The following BOP1 variants were observed in gnomAD, a reference collection of about 807,000 sequenced individuals.
BOP1 encodes the protein ribosome biogenesis protein BOP1.
In BOP1, 54 loss-of-function variants were observed where a neutral mutation model predicts 82.9. That is an observed-to-expected ratio of 0.65 (90% CI 0.52 to 0.82). The LOEUF (loss-of-function observed/expected upper bound fraction) is 0.82. Among genes scored for constraint, BOP1 ranks in the 40% least tolerant of loss-of-function variants. BOP1 has a pLI of 0.00. For synonymous variants in BOP1, 566 were observed against 451.1 expected, an observed-to-expected ratio of 1.25 and a Z score of -3.23; for missense variants, 1,170 against 1,072.0, an observed-to-expected ratio of 1.09 and a Z score of -1.28.
intron 3 of BOP1, chr8:144,265,832 G>C (rs1288500307): frequency 1.3e-5 from 2 of 153,040 alleles, no homozygotes; most frequent in East Asian, 1.9e-4. Context: ...GGGTATGTGT[G>C]TGCTTCCTGA....
chr8:144,281,166 C>T (rs1215975039), intron 2 of BOP1, among the ~76,000 whole-genome samples: 5 of 55,378 alleles, frequency 9.0e-5, no homozygotes, highest in Non-Finnish European at 1.3e-4. Context: ...ACCAGGTCTT[C>T]GGCCTTCCCT....
At chr8:144,278,998 G>A (rs1051478826) in intron 2 of BOP1, among the ~76,000 whole-genome samples, 9 of 152,202 alleles carry the variant, frequency 5.9e-5, no homozygotes, top group African/African-American at 1.7e-4. Flanking sequence ...TGGCAGGGTC[G>A]TTCCCAGGCA....
rs1043220841 is a variant in BOP1, at chr8:144,264,219, G to A, written c.978+6C>T. Reference sequence around the variant, plus strand: ...CAGGGTCCCGGCCCCCAGGATGCAGGCCCACCTCCTCCTCGCTGAGCAGGT... The same window carrying A: ...CAGGGTCCCGGCCCCCAGGATGCAGACCCACCTCCTCCTCGCTGAGCAGGT... On this transcript the variant is annotated splice_donor_region_variant and intron_variant, in intron 7 of 15. Transcript: ENST00000569669. The A allele has an allele frequency of 6.2e-7, 1 of 1,607,398 alleles. No individual in the cohort carries two copies. The highest frequency in any genetic ancestry group is 1.3e-5 in the African/African-American group (1 of 74,840).
intron 2 of BOP1, among the ~76,000 whole-genome samples, chr8:144,279,753 G>C (rs1845640179): frequency 6.6e-6 from 1 of 152,216 alleles, no homozygotes; most frequent in African/African-American, 2.4e-5. Context: ...GACACCACAG[G>C]ATTCTGGGCT....
At position 144,277,783 on chromosome 8, in the gene BOP1, G is replaced by A. The variant is rs145168283; in HGVS notation, c.310-1479C>T. Among the ~76,000 whole-genome samples, 727 of 152,374 alleles carry A rather than the reference G, an allele frequency of 4.8e-3. 6 individuals carry two copies. The highest frequency in any genetic ancestry group is 0.016 in the African/African-American group (676 of 41,580). On this transcript the variant is annotated intron_variant, in intron 2 of 15. Transcript: ENST00000569669. ...GCGACGGCGCTCAGCCAGGCCCAGCGCCCGAAGGGCAGGGGCGGTGCGGGC... is the reference window on the plus strand; with the variant it reads ...GCGACGGCGCTCAGCCAGGCCCAGCACCCGAAGGGCAGGGGCGGTGCGGGC...
chr8:144,287,214 T>C (rs1814910517), intron 2 of BOP1, among the ~76,000 whole-genome samples: 2 of 152,060 alleles, frequency 1.3e-5, no homozygotes, highest in Non-Finnish European at 2.9e-5. Flanking sequence ...TTCACCATGT[T>C]AGCCAGGCTG....
chr8:144,268,941 C>T (rs925703453), intron 3 of BOP1, among the ~76,000 whole-genome samples: 14 of 133,142 alleles, frequency 1.1e-4, no homozygotes, highest in Non-Finnish European at 1.4e-4. Flanking sequence ...TGCTGCCCAG[C>T]GGAGGGGGGG....
In BOP1 at chr8:144,286,007, G is replaced by C. The variant is rs1814857605; in HGVS notation, c.309+3088C>G. Among the ~76,000 whole-genome samples, 6 of 152,252 alleles carry C rather than the reference G, an allele frequency of 3.9e-5. No homozygotes were observed. In the South Asian group the frequency reaches 1.0e-3, roughly 26 times the overall value. ...TGGAAGCCAAGAGAACATGCAGGAG[G>C]CAGCACTGGGCTGCCGGCTGAGTTT... is the stretch of plus-strand genomic sequence containing the variant. On this transcript the variant is annotated intron_variant, in intron 2 of 15. Coordinates refer to ENST00000569669, the MANE Select transcript of BOP1 (RefSeq NM_015201.5).
chr8:144,281,805 G>C (rs570310986), intron 2 of BOP1: 1 of 151,720 alleles, frequency 6.6e-6, no homozygotes, highest in Admixed American at 6.5e-5. Context: ...GGCTGGTCTC[G>C]AACTCCTCAA....
In BOP1 at chr8:144,264,090, G is replaced by A. The variant is rs1254900040; in HGVS notation, c.1031C>T (p.Pro344Leu). 1.2e-6 allele frequency: 2 copies of A among 1,610,242 alleles called. No homozygotes were observed. The highest frequency in any genetic ancestry group is 1.7e-6 in the Non-Finnish European group (2 of 1,179,470). Residue 344 changes from proline to leucine, a missense_variant, in exon 8 of 16, where the codon CCA (proline) becomes CTA (leucine). By Grantham distance (98) the Pro-to-Leu change is moderately conservative (BLOSUM62 -3). Coordinates refer to ENST00000569669, the MANE Select transcript of BOP1 (RefSeq NM_015201.5). The stretch of plus-strand genomic sequence containing the variant: ...GGCCCGCAGGCTCGGGAACTTGCGT[G>A]GCAAAAAGCTCAGCTTCCTCTCGCC... ...EPGERKLSFL[P>L]RKFPSLRAVP...
rs1845226176 is a variant in BOP1, at chr8:144,262,475, C to T, written c.2008G>A (p.Ala670Thr). 1.9e-6 allele frequency: 3 copies of T among 1,612,760 alleles called. No individual in the cohort carries two copies. In the African/African-American group the frequency reaches 4.0e-5, roughly 22 times the overall value. The change falls in exon 15 of 16, where the codon GCC (alanine) becomes ACC (threonine). Residue 670 changes from alanine to threonine, a missense_variant. Ala to Thr is a moderately conservative substitution (Grantham distance 58, BLOSUM62 0). Transcript: ENST00000569669. Reference protein sequence around the residue: ...RHHKKALRAVAFHPRYPLFAS... With the variant: ...RHHKKALRAVTFHPRYPLFAS... Reference sequence around the variant, plus strand: ...AAGAGTGGGTACCGCGGGTGGAAGGCCACAGCCCGCAGAGCCTTCTTGTGG... The same window carrying T: ...AAGAGTGGGTACCGCGGGTGGAAGGTCACAGCCCGCAGAGCCTTCTTGTGG...
intron 1 of BOP1, 130 bp from the exon 2 acceptor site, chr8:144,289,434 C>T (rs1814972748): frequency 1.1e-6 from 1 of 900,692 alleles, no homozygotes; most frequent in Non-Finnish European, 1.7e-6. Context: ...GACCACACCC[C>T]TCCAGTCACA....
At chr8:144,267,857 C>T (rs962521570) in intron 3 of BOP1, among the ~76,000 whole-genome samples, 2 of 152,210 alleles carry the variant, frequency 1.3e-5, no homozygotes, top group East Asian at 1.9e-4. Context: ...TTTTCCCAAT[C>T]CCCATTTCCT....
At chr8:144,273,894 G>T (rs1454422964) in intron 3 of BOP1, among the ~76,000 whole-genome samples, 4 of 152,198 alleles carry the variant, frequency 2.6e-5, no homozygotes, top group Admixed American at 6.5e-5. Flanking sequence ...CTGCGCACCT[G>T]GGGGAGGGGA....
chr8:144,268,341 C>T, intron 3 of BOP1: 1 of 697,260 alleles, frequency 1.4e-6, no homozygotes, highest in Non-Finnish European at 2.4e-6. Context: ...CTGCGCTGGC[C>T]CCAGCACCTG....
At chr8:144,279,005 G>T (rs912469569) in intron 2 of BOP1, among the ~76,000 whole-genome samples, 1 of 152,224 alleles carries the variant, frequency 6.6e-6, no homozygotes, top group Non-Finnish European at 1.5e-5. Flanking sequence ...GTCGTTCCCA[G>T]GCATGGAGGC....
intron 2 of BOP1, among the ~76,000 whole-genome samples, chr8:144,285,588 C>T (rs1814845058): frequency 1.3e-5 from 2 of 152,208 alleles, no homozygotes; most frequent in South Asian, 4.1e-4. Flanking sequence ...TGGCCAGGAC[C>T]ACAGAATCCC....
chr8:144,267,135 G>C, intron 3 of BOP1: 2 of 1,523,140 alleles, frequency 1.3e-6, no homozygotes, highest in South Asian at 2.4e-5. Flanking sequence ...AGAACACCCA[G>C]CCCAAACAGA....
intron 2 of BOP1, among the ~76,000 whole-genome samples, chr8:144,281,106 C>T (rs71515604): frequency 4.0e-4 from 32 of 79,808 alleles, no homozygotes; most frequent in African/African-American, 1.3e-3. Flanking sequence ...ACCAGGTCTT[C>T]GGCCTTCTCT....
Sources: allele counts gnomAD v4.1 joint callset (sites outside exome capture counted in the v4.1 genomes callset), GRCh38; gene constraint gnomAD v4.1.1; transcripts MANE v1.5; gene names NCBI Gene and HGNC (gene_info 2026-07-23, HGNC 2026-07-21).